The following PLA2G3 variants were observed in gnomAD, a reference collection of about 807,000 sequenced individuals.
The protein encoded by PLA2G3 is phospholipase A2 group III, also known as group 3 secretory phospholipase A2.
A neutral mutation model predicts 51.3 loss-of-function variants in PLA2G3; 39 were observed. The ratio of observed to expected loss-of-function variants is 0.76; its 90% CI spans 0.59 to 0.99. The LOEUF (loss-of-function observed/expected upper bound fraction) is 0.99, where lower values mean the gene tolerates loss of function less well. Ranked by LOEUF, PLA2G3 falls within the 50% of genes least tolerant of loss-of-function variation. The probability of loss-of-function intolerance (pLI) is 0.00; values close to 1 mark genes in which losing one functional copy is unlikely to be tolerated. For missense variants in PLA2G3, 677 were observed against 662.1 expected, an observed-to-expected ratio of 1.02 and a Z score of -0.25; for synonymous variants, 293 against 263.1, an observed-to-expected ratio of 1.11 and a Z score of -1.10.
rs574758880 is a variant in PLA2G3 at position 31,137,430 on chromosome 22, A to T, written c.1066+280T>A. Among the ~76,000 whole-genome samples, 68 of 152,238 alleles carry T rather than the reference A, an allele frequency of 4.5e-4. 2 individuals are homozygous for T. The highest frequency in any genetic ancestry group is 1.1e-3 in the African/African-American group (45 of 41,534). ...TGAAGTTTGTGAAACTAGAGTTTTG[A>T]CTGGGGGTAGGGTCTGCAGGGCCAA... On this transcript the variant is annotated intron_variant, in intron 4 of 6. Transcript: ENST00000215885.
At chr22:31,138,208 C>T in intron 3 of PLA2G3, 68 bp downstream of exon 3, 1 of 1,566,098 alleles carries the variant, frequency 6.4e-7, no homozygotes, top group South Asian at 1.1e-5. Flanking sequence ...AGATAGCTCT[C>T]CCTCACCAGG....
Position 31,134,824 on chromosome 22 carries a change from C to T in PLA2G3, c.*899G>A, listed in dbSNP as rs1922459059. The T allele has an allele frequency of 5.7e-6, 1 of 175,360 alleles. No individual in the cohort carries two copies. The highest frequency in any genetic ancestry group is 6.2e-5 in the Admixed American group (1 of 16,124). The allele number at this position is 175,360 out of a possible 1,614,324, so 10.9% of individuals were successfully genotyped here. ...CAGCTGTATACATTACACATGCCATCTCCTTTAATCTGCATCACAACCCTG... is the reference window on the plus strand; with the variant it reads ...CAGCTGTATACATTACACATGCCATTTCCTTTAATCTGCATCACAACCCTG... On this transcript the variant is annotated 3_prime_UTR_variant, in exon 7 of 7. Coordinates refer to ENST00000215885, the MANE Select transcript of PLA2G3 (RefSeq NM_015715.5).
Position 31,138,011 on chromosome 22 carries a change from G to C in PLA2G3, c.783-18C>G, listed in dbSNP as rs752990813. ...TCCTACACCTGGGTGGTGGCAGTTGGTGGAAATTGGTGACTGGGAATCCCC... is the reference window on the plus strand; with the variant it reads ...TCCTACACCTGGGTGGTGGCAGTTGCTGGAAATTGGTGACTGGGAATCCCC... On this transcript the variant is annotated intron_variant, in intron 3 of 6. Transcript: ENST00000215885. 1 of 1,526,970 alleles carries C rather than the reference G, an allele frequency of 6.5e-7. No homozygotes were observed. Among genetic ancestry groups the C allele is most frequent in the Non-Finnish European group, 8.7e-7 (1 of 1,144,274 alleles). The allele number at this position is 1,526,970 out of a possible 1,614,324, so 94.6% of individuals were successfully genotyped here.
Position 31,135,352 on chromosome 22 carries a change from T to C in PLA2G3, c.*371A>G, listed in dbSNP as rs2147891697. 4.6e-6 allele frequency: 1 copy of C among 215,198 alleles called. No individual in the cohort carries two copies. The allele number at this position is 215,198 out of a possible 1,614,324, so 13.3% of individuals were successfully genotyped here. A position where few individuals can be genotyped will look rare whatever the true frequency, so the allele number is the denominator to read the frequency against. On this transcript the variant is annotated 3_prime_UTR_variant, in exon 7 of 7. Coordinates refer to ENST00000215885, the MANE Select transcript of PLA2G3 (RefSeq NM_015715.5). ...CAGGTTTTTGAGGCATGTATTATTT[T>C]TGCAACACGGACATACATGTACCTC...
intron 3 of PLA2G3, 58 bp downstream of exon 3, chr22:31,138,218 G>A: frequency 6.3e-7 from 1 of 1,588,328 alleles, no homozygotes; most frequent in South Asian, 1.1e-5. Context: ...CCCTCACCAG[G>A]CTTGGAGCCT....
In PLA2G3 at chr22:31,138,744, G is replaced by A; in HGVS notation, c.570C>T (p.Asn190=). 6.2e-7 allele frequency: 1 copy of A among 1,614,100 alleles called. No individual in the cohort carries two copies. The highest frequency in any genetic ancestry group is 8.5e-7 in the Non-Finnish European group (1 of 1,179,982). The change falls in exon 2 of 7, where the codon AAC becomes AAT. Residue 190 remains asparagine, a synonymous_variant. Transcript: ENST00000215885. ...CCREHDRCPQ[N]ISPLQYNYGI... ...CATAGTTGTACTGCAAGGGTGAGAT[G>A]TTCTGTGGGCAGCGGTCATGTTCCC...
rs770061882 is a variant in PLA2G3 at position 31,138,437 on chromosome 22, C to A, written c.648-27G>T. ...TGCCCCAGAACAGATACCCAGGACC[C>A]TGGGGCATGGAGGGCTGTCTGGCTC... On this transcript the variant is annotated intron_variant, in intron 2 of 6. Coordinates refer to ENST00000215885, the MANE Select transcript of PLA2G3 (RefSeq NM_015715.5). 5 of 1,611,108 alleles carry A rather than the reference C, an allele frequency of 3.1e-6. No homozygotes were observed. In the Admixed American group the frequency reaches 6.7e-5, roughly 22 times the overall value.
rs917290223 is a variant in PLA2G3 at position 31,136,083 on chromosome 22, G to A, written c.1317-147C>T. 9 of 654,824 alleles carry A rather than the reference G, an allele frequency of 1.4e-5. No individual in the cohort carries two copies. The African/African-American group carries it at 1.6e-4, about 12-fold the overall frequency. 40.6% of individuals were successfully genotyped at this position (654,824 alleles called of 1,614,324 possible). ...AGAGGGGTGGGTTTCACGGAGAAAG[G>A]GTATAATAAACCGGGCTGGTACCTG... On this transcript the variant is annotated intron_variant, in intron 6 of 6. Coordinates refer to ENST00000215885, the MANE Select transcript of PLA2G3 (RefSeq NM_015715.5).
chr22:31,139,944 A>C lies in PLA2G3; in HGVS notation c.411T>G (p.Ser137Arg), dbSNP rs1227931335. ...GARKKRAAGQ[S>R]GVPGGGHQRE... Reference sequence around the variant, plus strand: ...GCTGGTGCCCTCCACCAGGGACTCCACTCTGCCCTGCTGCTCGCTTCTTCC... The same window carrying C: ...GCTGGTGCCCTCCACCAGGGACTCCCCTCTGCCCTGCTGCTCGCTTCTTCC... Residue 137 changes from serine (S) to arginine (R), a missense_variant, in exon 1 of 7, where the codon AGT becomes AGG. Physicochemically the swap from Ser to Arg is moderately radical, Grantham distance 110. Transcript: ENST00000215885. 1.9e-6 allele frequency: 3 copies of C among 1,612,728 alleles called. No homozygotes were observed. The highest frequency in any genetic ancestry group is 2.5e-6 in the Non-Finnish European group (3 of 1,179,658).
Position 31,139,752 on chromosome 22 carries a change from A to T in PLA2G3, c.514+89T>A. 1.1e-5 allele frequency: 9 copies of T among 842,458 alleles called. No individual in the cohort carries two copies. In the South Asian group the frequency reaches 1.4e-4, roughly 13 times the overall value. The allele number at this position is 842,458 out of a possible 1,614,324, so 52.2% of individuals were successfully genotyped here. ...CCATGGTCAAGTCACTCCCCCAGGG[A>T]CACACAGCCTAGGAGAGTAAGGGCT... On this transcript the variant is annotated intron_variant, in intron 1 of 6. Transcript: ENST00000215885.
Position 31,138,769 on chromosome 22 carries a change from C to T in PLA2G3, c.545G>A (p.Arg182Gln), listed in dbSNP as rs375339936. The T allele has an allele frequency of 1.2e-5, 19 of 1,614,020 alleles. 1 individual carries two copies. Among genetic ancestry groups the T allele is most frequent in the East Asian group, 4.5e-5 (2 of 44,868 alleles). ...GVFQGPDLCC[R>Q]EHDRCPQNIS... is the part of the protein sequence containing the mutation. ...GTTCTGTGGGCAGCGGTCATGTTCCCGGCAACAGAGATCAGGTCCCTGGAA... is the reference window on the plus strand; with the variant it reads ...GTTCTGTGGGCAGCGGTCATGTTCCTGGCAACAGAGATCAGGTCCCTGGAA... The change falls in exon 2 of 7, where the codon CGG becomes CAG. Residue 182 changes from arginine (R) to glutamine (Q), a missense_variant. Arg to Gln is a conservative substitution (Grantham distance 43). Transcript: ENST00000215885.
intron 1 of PLA2G3, among the ~76,000 whole-genome samples, chr22:31,139,418 G>A (rs1751622531): frequency 6.6e-6 from 1 of 152,338 alleles, no homozygotes; most frequent in African/African-American, 2.4e-5. Context: ...TTTTACAGGT[G>A]AGGAAATAAG....
In PLA2G3 at chr22:31,136,974, C is replaced by G. The variant is rs2232183; in HGVS notation, c.1133G>C (p.Arg378Pro). ...LDQCEHQIGP[R>P]EIEFQLLNSA... ...GTTGAGCAGCTGGAACTCGATTTCC[C>G]GGGGCCCAATCTGGTGCTCACACTG... The change falls in exon 5 of 7, where the codon CGG becomes CCG. Residue 378 changes from arginine to proline, a missense_variant. By Grantham distance (103) the Arg-to-Pro change is moderately radical (BLOSUM62 -2). Transcript: ENST00000215885. 8.2e-6 allele frequency: 13 copies of G among 1,577,836 alleles called. No individual in the cohort carries two copies. Among genetic ancestry groups the G allele is most frequent in the South Asian group, 8.0e-5 (7 of 87,464 alleles).
rs367570720 is a variant in PLA2G3, at chr22:31,135,641, C to T, written c.*82G>A. The T allele has an allele frequency of 1.8e-5, 19 of 1,041,320 alleles. No individual in the cohort carries two copies. The highest frequency in any genetic ancestry group is 3.1e-4 in the Middle Eastern group (1 of 3,206). The allele number at this position is 1,041,320 out of a possible 1,614,324, so 64.5% of individuals were successfully genotyped here. A position where few individuals can be genotyped will look rare whatever the true frequency, so the allele number is the denominator to read the frequency against. On this transcript the variant is annotated 3_prime_UTR_variant, in exon 7 of 7. Coordinates refer to ENST00000215885, the MANE Select transcript of PLA2G3 (RefSeq NM_015715.5). ...CTCTGCCATGCTTCAGTCTAACCTA[C>T]GGAGGGGAGGCTGAGATTCCCAAGG...
At chr22:31,139,048 T>C (rs1260880761) in intron 1 of PLA2G3, among the ~76,000 whole-genome samples, 1 of 152,120 alleles carries the variant, frequency 6.6e-6, no homozygotes, top group Non-Finnish European at 1.5e-5. Context: ...CACCCATAAA[T>C]ACATGGAAAG....
rs1419132946 is a variant in PLA2G3 at position 31,138,329 on chromosome 22, G to C, written c.729C>G (p.Pro243=). 3.1e-6 allele frequency: 5 copies of C among 1,613,930 alleles called. No individual in the cohort carries two copies. Among genetic ancestry groups the C allele is most frequent in the Admixed American group, 1.7e-5 (1 of 60,018 alleles). The change falls in exon 3 of 7, where the codon CCC becomes CCG. Residue 243 remains proline (P), a synonymous_variant. Coordinates refer to ENST00000215885, the MANE Select transcript of PLA2G3 (RefSeq NM_015715.5). ...GVAFFNVLEI[P]CFVLEEQEAC... is the part of the protein sequence containing the mutation. The stretch of plus-strand genomic sequence containing the variant: ...CCTCCTGCTCCTCCAGCACAAAGCA[G>C]GGGATCTCCAGCACGTTGAAGAAGG...
rs1322681128 is a variant in PLA2G3, at chr22:31,136,770, G to C, written c.1229C>G (p.Pro410Arg). 1 of 1,612,820 alleles carries C rather than the reference G, an allele frequency of 6.2e-7. No homozygotes were observed. The highest frequency in any genetic ancestry group is 1.3e-5 in the African/African-American group (1 of 74,864). ...CCAAAGCATGTTGGTAACCTCGGGT[G>C]GGCTGTGGAGCCTCAGGAAGCGTGC... ...RLARFLRLHS[P>R]PEVTNMLWEL... The change falls in exon 6 of 7, where the codon CCA (proline) becomes CGA (arginine). Residue 410 changes from proline to arginine, a missense_variant. Coordinates refer to ENST00000215885, the MANE Select transcript of PLA2G3 (RefSeq NM_015715.5).
At position 31,137,869 on chromosome 22, in the gene PLA2G3, G is replaced by T. The variant is rs151265075; in HGVS notation, c.907C>A (p.Arg303=). 2 of 1,614,046 alleles carry T rather than the reference G, an allele frequency of 1.2e-6. No homozygotes were observed. The highest frequency in any genetic ancestry group is 1.7e-6 in the Non-Finnish European group (2 of 1,179,982). The change falls in exon 4 of 7, where the codon CGA becomes AGA. Residue 303 remains arginine (R), a synonymous_variant. Transcript: ENST00000215885. ...SSRSPAPPKP[R]QKQHLRKGPP... ...CCCTTCCGAAGGTGCTGCTTCTGTC[G>T]AGGCTTGGGAGGGGCTGGGCTCCGG...
intron 2 of PLA2G3, 125 bp downstream of exon 2, chr22:31,138,542 C>A: frequency 6.7e-7 from 1 of 1,500,262 alleles, no homozygotes; most frequent in Non-Finnish European, 9.2e-7. Flanking sequence ...AGCTTTCCTA[C>A]CTGCACTGTG....
Sources: allele counts gnomAD v4.1 joint callset (sites outside exome capture counted in the v4.1 genomes callset), GRCh38; gene constraint gnomAD v4.1.1; transcripts MANE v1.5; gene names NCBI Gene and HGNC (gene_info 2026-07-23, HGNC 2026-07-21).